Variants in ATM observed in about 807,000 individuals in gnomAD.
ATM encodes the protein serine-protein kinase ATM.
In ATM, 308 loss-of-function variants were observed where a neutral mutation model predicts 387.0. The ratio of observed to expected loss-of-function variants is 0.80; its 90% CI spans 0.73 to 0.87. The LOEUF is 0.87. Among genes scored for constraint, ATM ranks in the 40% least tolerant of loss-of-function variants. The probability of loss-of-function intolerance (pLI) is 0.00; values close to 1 mark genes in which losing one functional copy is unlikely to be tolerated. For missense variants in ATM, 3,312 were observed against 3,560.9 expected, an observed-to-expected ratio of 0.93 and a Z score of 1.78; for synonymous variants, 1,156 against 1,187.3, an observed-to-expected ratio of 0.97 and a Z score of 0.54.
chr11:108,303,762 C>T (rs1422988768), intron 36 of ATM, among the ~76,000 whole-genome samples: 1 of 152,116 alleles, frequency 6.6e-6, no homozygotes, highest in Non-Finnish European at 1.5e-5. Context: ...GCACTCATAC[C>T]AATTCAGCAG....
rs368684533 is a variant in ATM, at chr11:108,289,114, A to G, written c.4236+11A>G. The G allele has an allele frequency of 1.9e-5, 31 of 1,603,282 alleles. No homozygotes were observed. Among genetic ancestry groups the G allele is most frequent in the African/African-American group, 2.7e-5 (2 of 74,742 alleles). On this transcript the variant is annotated intron_variant, in intron 28 of 62. Transcript: ENST00000675843. ...CTTTCCAAAAGCCCTGTAAGTATAC[A>G]TGATGAGTTTAATAATAGAACATTC...
chr11:108,361,528 CACTACCTG>C (rs2090755269), intron 61 of ATM, among the ~76,000 whole-genome samples: 1 of 152,022 alleles, frequency 6.6e-6, no homozygotes, highest in Non-Finnish European at 1.5e-5. Context: ...GGAGGCATCA[CACTACCTG>C]ACTTCAAACT....
At chr11:108,349,962 G>A (rs1471869671) in intron 59 of ATM, among the ~76,000 whole-genome samples, 1 of 152,144 alleles carries the variant, frequency 6.6e-6, no homozygotes, top group Non-Finnish European at 1.5e-5. Flanking sequence ...AGAGGAAGGA[G>A]TATGAGGGAA....
At chr11:108,238,391 A>AG (rs2079403334) in intron 5 of ATM, among the ~76,000 whole-genome samples, 2 of 152,078 alleles carry the variant, frequency 1.3e-5, no homozygotes, top group Non-Finnish European at 2.9e-5. Flanking sequence ...GGCTCAAGTG[A>AG]TACCCTTCCC....
chr11:108,352,720 C>A (rs1356900592), intron 59 of ATM, among the ~76,000 whole-genome samples: 1 of 152,220 alleles, frequency 6.6e-6, no homozygotes, highest in African/African-American at 2.4e-5. Flanking sequence ...TGAAATACTA[C>A]TCAGCAATGA....
intron 59 of ATM, among the ~76,000 whole-genome samples, chr11:108,352,525 C>T (rs1405748998): frequency 6.6e-6 from 1 of 152,148 alleles, no homozygotes; most frequent in East Asian, 1.9e-4. Flanking sequence ...AAACAGAGTT[C>T]CTAGACTTGA....
intron 59 of ATM, among the ~76,000 whole-genome samples, chr11:108,353,444 G>C (rs978943090): frequency 7.2e-5 from 11 of 152,082 alleles, no homozygotes; most frequent in Non-Finnish European, 1.6e-4. Flanking sequence ...ACCACACCCA[G>C]CCTAAAAATT....
chr11:108,246,419 G>A (rs987220303), intron 7 of ATM, among the ~76,000 whole-genome samples: 14 of 152,180 alleles, frequency 9.2e-5, no homozygotes, highest in Admixed American at 3.3e-4. Context: ...AATAGATTTT[G>A]TAGTACCTTG....
In ATM at chr11:108,282,798, T is replaced by C. The variant is rs863224563; in HGVS notation, c.3665T>C (p.Leu1222Pro). 3.8e-6 allele frequency: 6 copies of C among 1,585,170 alleles called. No homozygotes were observed. The highest frequency in any genetic ancestry group is 1.1e-5 in the South Asian group (1 of 90,306). ...TTAGATTATCTGGTTTTGGAATGGC[T>C]AAATCTTCAAGATACTGAATACAAC... is the stretch of plus-strand genomic sequence containing the variant. The part of the protein sequence containing the change: ...SHLDYLVLEW[L>P]NLQDTEYNLS... Residue 1222 changes from leucine (L) to proline (P), a missense_variant, in exon 25 of 63, where the codon CTA becomes CCA. Around this residue, in one of 4 missense-constraint regions of ATM, gnomAD observed 1,791 missense variants for 1,804.5 expected, o/e 0.99. Transcript: ENST00000675843.
At chr11:108,283,929 A>G (rs1201335716) in intron 25 of ATM, among the ~76,000 whole-genome samples, 1 of 152,096 alleles carries the variant, frequency 6.6e-6, no homozygotes, top group Non-Finnish European at 1.5e-5. Flanking sequence ...TCAAGTCTCC[A>G]TTTTTATTTG....
intron 50 of ATM, among the ~76,000 whole-genome samples, chr11:108,331,005 C>A (rs2086181805): frequency 6.6e-6 from 1 of 152,060 alleles, no homozygotes; most frequent in African/African-American, 2.4e-5. Flanking sequence ...GTTTCTCCTG[C>A]AGGAAAATAA....
intron 29 of ATM, 121 bp from the exon 30 acceptor site, chr11:108,292,498 A>G: frequency 8.3e-7 from 1 of 1,203,464 alleles, no homozygotes; most frequent in Non-Finnish European, 1.2e-6. Context: ...CCATTAAAAT[A>G]TTTATGTCAA....
At chr11:108,335,766 C>T in intron 55 of ATM, 79 bp from the exon 56 acceptor site, 1 of 1,154,108 alleles carries the variant, frequency 8.7e-7, no homozygotes. Flanking sequence ...TTTGAGTGCC[C>T]TTTGCTATTC....
chr11:108,280,071 A>C (rs953935332), intron 23 of ATM, among the ~76,000 whole-genome samples: 1 of 152,078 alleles, frequency 6.6e-6, no homozygotes. Context: ...TAGAGTTCAA[A>C]TTTTTTCATT....
chr11:108,320,959 G>T (rs2085160458), intron 44 of ATM, among the ~76,000 whole-genome samples: 1 of 152,184 alleles, frequency 6.6e-6, no homozygotes, highest in Non-Finnish European at 1.5e-5. Context: ...ATAAGGAAGA[G>T]AACATATATT....
At chr11:108,306,417 A>G (rs1022674008) in intron 37 of ATM, among the ~76,000 whole-genome samples, 6 of 152,200 alleles carry the variant, frequency 3.9e-5, no homozygotes, top group Non-Finnish European at 7.4e-5. Flanking sequence ...TGATTTAAGC[A>G]TTTAAAACTT....
At chr11:108,235,643 T>A (rs1404401766) in intron 4 of ATM, 27 bp from the exon 5 acceptor site, 1 of 1,566,300 alleles carries the variant, frequency 6.4e-7, no homozygotes, top group Non-Finnish European at 8.8e-7. Context: ...AATTTATGTT[T>A]TTCTTTATTT....
intron 12 of ATM, among the ~76,000 whole-genome samples, chr11:108,253,240 A>C (rs774741411): frequency 1.3e-5 from 2 of 152,188 alleles, no homozygotes; most frequent in African/African-American, 4.8e-5. Context: ...ATTTCTGTAC[A>C]TCAACTATGA....
In ATM at chr11:108,320,078, T is replaced by A. The variant is rs2136223571; in HGVS notation, c.6452+20T>A. 2 of 1,506,230 alleles carry A rather than the reference T, an allele frequency of 1.3e-6. No individual in the cohort carries two copies. Among genetic ancestry groups the A allele is most frequent in the Non-Finnish European group, 1.8e-6 (2 of 1,082,698 alleles). 93.3% of individuals were successfully genotyped at this position (1,506,230 alleles called of 1,614,324 possible). A position where few individuals can be genotyped will look rare whatever the true frequency, so the allele number is the denominator to read the frequency against. On this transcript the variant is annotated intron_variant, in intron 44 of 62. Transcript: ENST00000675843. ...TGCCAGGTATTATGAAAAGACAAAG[T>A]TACTGTATTTTAACATTTAATGTCA...
Sources: gnomAD v4.1 joint callset for allele counts (sites outside exome capture counted in the v4.1 genomes callset) on GRCh38, gnomAD v4.1.1 for gene constraint, gnomAD v4.1.1 regional missense constraint, MANE v1.5 for transcripts, NCBI Gene and HGNC (gene_info 2026-07-23, HGNC 2026-07-21) for gene names.